IL13RA2: variants seen among roughly 807,000 people sequenced by gnomAD.
The protein encoded by IL13RA2 is interleukin 13 receptor subunit alpha 2.
IL13RA2 carries 25 observed loss-of-function variants against 34.1 expected under a neutral mutation model. That is an observed-to-expected ratio of 0.73 (90% CI 0.53 to 1.03). IL13RA2 has a LOEUF of 1.03. Ranked by LOEUF, IL13RA2 falls within the 50% of genes least tolerant of loss-of-function variation. The pLI is 0.00. For synonymous variants in IL13RA2, 106 were observed against 100.4 expected, an observed-to-expected ratio of 1.06 and a Z score of -0.33; for missense variants, 297 against 280.9, an observed-to-expected ratio of 1.06 and a Z score of -0.41.
intron 5 of IL13RA2, among the ~76,000 whole-genome samples, chrX:115,012,465 T>TA (rs17095056): frequency 2.7e-5 from 3 of 109,766 alleles, no homozygotes; most frequent in Non-Finnish European, 3.8e-5. Flanking sequence ...TTACAGGCTA[T>TA]AAAAAAAAAT....
intron 9 of IL13RA2, among the ~76,000 whole-genome samples, chrX:115,004,399 T>TA: frequency 9.6e-6 from 1 of 104,565 alleles, no homozygotes; most frequent in African/African-American, 3.5e-5. Flanking sequence ...TCCATCTCTA[T>TA]AAAAAATCTA....
rs1556509803 is a variant in IL13RA2, at chrX:115,015,759, A to G, written c.157T>C (p.Trp53Arg). 1 of 1,188,918 alleles carries G rather than the reference A, an allele frequency of 8.4e-7. No homozygotes were observed. The highest frequency in any genetic ancestry group is 1.1e-6 in the Non-Finnish European group (1 of 874,589). Residue 53 changes from tryptophan (W) to arginine (R), a missense_variant, in exon 3 of 10, where the codon TGG becomes CGG. By Grantham distance (101) the Trp-to-Arg change is moderately radical (BLOSUM62 -3). Transcript: ENST00000243213. ...PGYLGYLYLQWQPPLSLDHFK... is the reference protein window; with the variant it reads ...PGYLGYLYLQRQPPLSLDHFK... ...TGATCCAGAGACAGTGGGGGTTGCC[A>G]TTGCAAATAGAGATAACCTAAGTAT...
chrX:115,016,545 T>C (rs2071728051), intron 2 of IL13RA2, among the ~76,000 whole-genome samples: 1 of 107,670 alleles, frequency 9.3e-6, no homozygotes, highest in African/African-American at 3.4e-5. Context: ...CAAAAATCTG[T>C]CTAACAATAA....
chrX:115,015,620 A>G (rs782760317), intron 3 of IL13RA2, 50 bp downstream of exon 3: 1 of 1,079,933 alleles, frequency 9.3e-7, no homozygotes, highest in Non-Finnish European at 1.3e-6. Flanking sequence ...AGGAATCACA[A>G]AGTAACACCT....
At chrX:115,016,362 TA>T (rs1334975626) in intron 2 of IL13RA2, among the ~76,000 whole-genome samples, 6 of 110,635 alleles carry the variant, frequency 5.4e-5, no homozygotes, top group East Asian at 2.8e-4. Flanking sequence ...GTAAGGCTGT[TA>T]AAAAAATCTA....
intron 8 of IL13RA2, among the ~76,000 whole-genome samples, chrX:115,006,086 T>C (rs2071684049): frequency 9.0e-6 from 1 of 111,689 alleles, no homozygotes; most frequent in Admixed American, 9.6e-5. Flanking sequence ...TGTTTTCTAT[T>C]AGAAAATTAT....
intron 5 of IL13RA2, among the ~76,000 whole-genome samples, chrX:115,012,756 C>T (rs1448770283): frequency 9.7e-6 from 1 of 103,198 alleles, no homozygotes; most frequent in Non-Finnish European, 2.0e-5. Context: ...CAGAGGGAGA[C>T]TCTTGTCTCA....
Position 115,005,234 on chromosome X carries a change from C to A in IL13RA2, c.1079G>T (p.Gly360Val). The A allele has an allele frequency of 8.9e-7, 1 of 1,127,943 alleles. No individual in the cohort carries two copies. The highest frequency in any genetic ancestry group is 1.2e-6 in the Non-Finnish European group (1 of 819,159). The allele number at this position is 1,127,943 out of a possible 1,213,427, so 93.0% of individuals were successfully genotyped here. A position where few individuals can be genotyped will look rare whatever the true frequency, so the allele number is the denominator to read the frequency against. The change falls in exon 9 of 10, where the codon GGT becomes GTT. Residue 360 changes from glycine to valine, a missense_variant. Transcript: ENST00000243213. Reference sequence around the variant, plus strand: ...GGTGTTTGGCTTACGCAAAAGCAGACCGGTTACAAATATAACTAATATTAA... The same window carrying A: ...GGTGTTTGGCTTACGCAAAAGCAGAACGGTTACAAATATAACTAATATTAA... ...FILILVIFVT[G>V]LLLRKPNTYP...
chrX:115,016,608 A>G (rs1290126001), intron 2 of IL13RA2, among the ~76,000 whole-genome samples: 1 of 106,759 alleles, frequency 9.4e-6, no homozygotes, highest in African/African-American at 3.4e-5. Flanking sequence ...ACATATCACT[A>G]TAATATAAAT....
In IL13RA2 at chrX:115,014,513, G is replaced by C. The variant is rs1219445525; in HGVS notation, c.308C>G (p.Ala103Gly). ...CCATGGTAAAAGCGTGTGTATCTTC[G>C]CTTCAATGCCCTTGTTAAGATCAAA... ...DGFDLNKGIE[A>G]KIHTLLPWQC... The change falls in exon 4 of 10, where the codon GCG (alanine) becomes GGG (glycine). Residue 103 changes from alanine to glycine, a missense_variant. By Grantham distance (60) the Ala-to-Gly change is moderately conservative. Transcript: ENST00000243213. The C allele has an allele frequency of 8.4e-7, 1 of 1,187,333 alleles. No homozygotes were observed. Among genetic ancestry groups the C allele is most frequent in the South Asian group, 1.8e-5 (1 of 54,755 alleles).
chrX:115,007,746 C>A (rs2071690681), intron 8 of IL13RA2, among the ~76,000 whole-genome samples, 186 bp downstream of exon 8: 1 of 111,748 alleles, frequency 8.9e-6, no homozygotes, highest in South Asian at 3.7e-4. Flanking sequence ...TATTCCTAGT[C>A]CTAACTGAAT....
chrX:115,008,881 T>C (rs2071694996), intron 7 of IL13RA2, among the ~76,000 whole-genome samples: 1 of 112,070 alleles, frequency 8.9e-6, no homozygotes, highest in African/African-American at 3.2e-5. Flanking sequence ...AATTTGATTG[T>C]AAGTGAATTT....
intron 5 of IL13RA2, among the ~76,000 whole-genome samples, chrX:115,012,672 T>C (rs2071710367): frequency 9.1e-6 from 1 of 109,763 alleles, no homozygotes; most frequent in East Asian, 2.9e-4. Context: ...GGCTGAGGCA[T>C]GAGAATCGCT....
intron 2 of IL13RA2, among the ~76,000 whole-genome samples, chrX:115,016,615 A>G (rs1030742462): frequency 4.7e-5 from 5 of 106,532 alleles, no homozygotes; most frequent in African/African-American, 1.3e-4. Context: ...ACTATAATAT[A>G]AATATATGTA....
chrX:115,012,424 A>G (rs782345813), intron 5 of IL13RA2, among the ~76,000 whole-genome samples: 1 of 111,603 alleles, frequency 9.0e-6, no homozygotes, highest in Admixed American at 9.5e-5. Flanking sequence ...TATATGAGAA[A>G]AAATTTAAAT....
intron 1 of IL13RA2, 109 bp downstream of exon 1, chrX:115,017,444 C>T (rs781896362): frequency 2.6e-6 from 1 of 388,355 alleles, no homozygotes; most frequent in Admixed American, 5.5e-5. Flanking sequence ...ACCATGGAAA[C>T]AGAAATAATC....
intron 8 of IL13RA2, among the ~76,000 whole-genome samples, chrX:115,005,976 C>T (rs189429296): frequency 1.8e-5 from 2 of 112,087 alleles, no homozygotes; most frequent in African/African-American, 6.5e-5. Context: ...TAGTACCTCT[C>T]ACTTGTTTTG....
At position 115,013,852 on chromosome X, in the gene IL13RA2, T is replaced by C; in HGVS notation, c.438A>G (p.Val146=). Residue 146 remains valine, a synonymous_variant, in exon 5 of 10, where the codon GTA becomes GTG. Transcript: ENST00000243213. ...AGAGTAAATATTGCCAATTGTAATA[T>C]ACGCAATCCATATCCTGAACTTTAG... ...PETKVQDMDC[V]YYNWQYLLCS... The C allele has an allele frequency of 9.9e-7, 1 of 1,005,948 alleles. No homozygotes were observed. Among genetic ancestry groups the C allele is most frequent in the Non-Finnish European group, 1.4e-6 (1 of 709,612 alleles). The allele number at this position is 1,005,948 out of a possible 1,213,427, so 82.9% of individuals were successfully genotyped here.
At position 115,010,754 on chromosome X, in the gene IL13RA2, A is replaced by T. The variant is rs782761439; in HGVS notation, c.596T>A (p.Phe199Tyr). ...ATAGTCTGATGCCTCCAAATAGGGAAATCTGCATCCTATATTTTGTCCATC... is the reference window on the plus strand; with the variant it reads ...ATAGTCTGATGCCTCCAAATAGGGATATCTGCATCCTATATTTTGTCCATC... ...KADGQNIGCR[F>Y]PYLEASDYKD... The change falls in exon 6 of 10, where the codon TTT becomes TAT. Residue 199 changes from phenylalanine to tyrosine, a missense_variant. Physicochemically the swap from Phe to Tyr is conservative, Grantham distance 22. Coordinates refer to ENST00000243213, the MANE Select transcript of IL13RA2 (RefSeq NM_000640.3). 1.8e-6 allele frequency: 2 copies of T among 1,107,158 alleles called. No individual in the cohort carries two copies. The highest frequency in any genetic ancestry group is 3.6e-5 in the African/African-American group (2 of 54,854). 91.2% of individuals were successfully genotyped at this position (1,107,158 alleles called of 1,213,427 possible). A position where few individuals can be genotyped will look rare whatever the true frequency, so the allele number is the denominator to read the frequency against.
Sources: allele counts gnomAD v4.1 joint callset (sites outside exome capture counted in the v4.1 genomes callset), GRCh38; gene constraint gnomAD v4.1.1; transcripts MANE v1.5; gene names NCBI Gene and HGNC (gene_info 2026-07-23, HGNC 2026-07-21).